Variants in PXYLP1 observed in about 807,000 individuals in gnomAD.
PXYLP1 encodes acid phosphatase-like 2.
In PXYLP1, 17 loss-of-function variants were observed where a neutral mutation model predicts 37.9. The ratio of observed to expected loss-of-function variants is 0.45; its 90% CI spans 0.31 to 0.67. The LOEUF (loss-of-function observed/expected upper bound fraction) is 0.67. PXYLP1 is among the 30% of genes least tolerant of loss of function. PXYLP1 has a pLI of 0.07. For missense variants in PXYLP1, 511 were observed against 612.0 expected, an observed-to-expected ratio of 0.84 and a Z score of 1.74; for synonymous variants, 221 against 232.2, an observed-to-expected ratio of 0.95 and a Z score of 0.44.
At chr3:141,291,900 C>A (rs1159088505) in intron 5 of PXYLP1, among the ~76,000 whole-genome samples, 1 of 152,226 alleles carries the variant, frequency 6.6e-6, no homozygotes, top group Non-Finnish European at 1.5e-5. Context: ...GAGGGAAAAA[C>A]CTCTCCTTAG....
At chr3:141,260,012 G>T (rs1941351961) in intron 1 of PXYLP1, 111 bp from the exon 2 acceptor site, 2 of 716,626 alleles carry the variant, frequency 2.8e-6, no homozygotes, top group African/African-American at 3.6e-5. Context: ...TTCCCTGCCG[G>T]GGGACTGGGC....
At chr3:141,250,380 T>C (rs1941114273) in intron 1 of PXYLP1, among the ~76,000 whole-genome samples, 1 of 152,260 alleles carries the variant, frequency 6.6e-6, no homozygotes. Flanking sequence ...TCTCCAGTTG[T>C]GAGTTGTCAC....
chr3:141,291,140 T>C lies in PXYLP1; in HGVS notation c.506-1128T>C, dbSNP rs143702413. ...TCCCAGGGGAACATATTTCCCTCTG[T>C]CTCACAATTTTCAGCTGAAGTTGTC... On this transcript the variant is annotated intron_variant, in intron 5 of 5. Coordinates refer to ENST00000286353, the MANE Select transcript of PXYLP1 (RefSeq NM_001037172.3). Among the ~76,000 whole-genome samples the C allele has an allele frequency of 2.2e-3, 329 of 152,246 alleles. 1 individual carries two copies. Among genetic ancestry groups the C allele is most frequent in the African/African-American group, 7.5e-3 (312 of 41,542 alleles).
At chr3:141,290,463 T>TCC (rs1942176819) in intron 5 of PXYLP1, among the ~76,000 whole-genome samples, 1 of 152,128 alleles carries the variant, frequency 6.6e-6, no homozygotes, top group African/African-American at 2.4e-5. Context: ...GTTGTCATGG[T>TCC]CCAGCAGCAT....
intron 2 of PXYLP1, among the ~76,000 whole-genome samples, chr3:141,264,906 C>T (rs992674855): frequency 1.3e-5 from 2 of 152,164 alleles, no homozygotes; most frequent in Non-Finnish European, 2.9e-5. Context: ...GTAATCACTA[C>T]GTATGTGTTT....
At chr3:141,256,666 A>T (rs1262055205) in intron 1 of PXYLP1, among the ~76,000 whole-genome samples, 1 of 152,268 alleles carries the variant, frequency 6.6e-6, no homozygotes, top group African/African-American at 2.4e-5. Context: ...CCAAGACTAA[A>T]GTATGATCAT....
chr3:141,255,796 G>C (rs1424241708), intron 1 of PXYLP1, among the ~76,000 whole-genome samples: 1 of 152,224 alleles, frequency 6.6e-6, no homozygotes, highest in African/African-American at 2.4e-5. Context: ...ATGGAAAGGG[G>C]GAAAGGGAGC....
At chr3:141,276,848 GA>G (rs1941807584) in intron 2 of PXYLP1, among the ~76,000 whole-genome samples, 1 of 152,146 alleles carries the variant, frequency 6.6e-6, no homozygotes. Context: ...CCAGTTTGAT[GA>G]GGAAAAATTA....
intron 4 of PXYLP1, among the ~76,000 whole-genome samples, chr3:141,282,096 C>T (rs1941968455): frequency 6.6e-6 from 1 of 152,068 alleles, no homozygotes; most frequent in Admixed American, 6.5e-5. Context: ...AATCAGAATC[C>T]ACATCCTTAA....
intron 1 of PXYLP1, among the ~76,000 whole-genome samples, chr3:141,240,208 A>G (rs1940761482): frequency 6.6e-6 from 1 of 152,244 alleles, no homozygotes; most frequent in Non-Finnish European, 1.5e-5. Context: ...TTTCATGGCC[A>G]GAACTGTATC....
At chr3:141,244,504 T>A (rs1202038053) in intron 1 of PXYLP1, among the ~76,000 whole-genome samples, 1 of 151,532 alleles carries the variant, frequency 6.6e-6, no homozygotes, top group Non-Finnish European at 1.5e-5. Flanking sequence ...TAGACCTTTT[T>A]CGGTAAATTT....
Position 141,292,911 on chromosome 3 carries a change from A to G in PXYLP1, c.1149A>G (p.Ser383=), listed in dbSNP as rs750419352. 14 of 1,614,028 alleles carry G rather than the reference A, an allele frequency of 8.7e-6. No homozygotes were observed. In the South Asian group the frequency reaches 1.5e-4, roughly 18 times the overall value. Residue 383 remains serine, a synonymous_variant, in exon 6 of 6, where the codon TCA becomes TCG. Transcript: ENST00000286353. This position sits in a 1 kb window ranked among gnomAD's most constrained non-coding sequence, Gnocchi z 4.3. Reference sequence around the variant, plus strand: ...ACTCTGCTCATGATGTCACTCTGTCACCAGTTCTCAGTGCCTTGGGCCTTT... The same window carrying G: ...ACTCTGCTCATGATGTCACTCTGTCGCCAGTTCTCAGTGCCTTGGGCCTTT... The part of the protein sequence containing the change: ...ALYSAHDVTL[S]PVLSALGLSE...
intron 2 of PXYLP1, among the ~76,000 whole-genome samples, chr3:141,275,603 T>C (rs1263169124): frequency 6.6e-6 from 1 of 152,242 alleles, no homozygotes; most frequent in African/African-American, 2.4e-5. Flanking sequence ...CGTGCTCTTG[T>C]GCTAATCCCC....
intron 1 of PXYLP1, among the ~76,000 whole-genome samples, chr3:141,253,010 G>A (rs1435379321): frequency 6.6e-6 from 1 of 152,124 alleles, no homozygotes; most frequent in African/African-American, 2.4e-5. Context: ...GGAGGAGATA[G>A]GACCCTGGCC....
intron 4 of PXYLP1, 38 bp from the exon 5 acceptor site, chr3:141,287,276 A>T (rs1457297493): frequency 6.2e-7 from 1 of 1,601,708 alleles, no homozygotes; most frequent in African/African-American, 1.3e-5. Flanking sequence ...ATTCTTGTGG[A>T]GCACTCTGAC....
intron 1 of PXYLP1, among the ~76,000 whole-genome samples, chr3:141,259,391 AT>A (rs35796707): frequency 3.7e-4 from 55 of 147,268 alleles, no homozygotes; most frequent in East Asian, 9.8e-4. Context: ...GTAGTCATTC[AT>A]TTTTTTTTTT....
intron 1 of PXYLP1, among the ~76,000 whole-genome samples, chr3:141,248,550 T>C (rs1452117796): frequency 6.8e-6 from 1 of 147,844 alleles, no homozygotes; most frequent in East Asian, 2.0e-4. Flanking sequence ...CACACGTATA[T>C]ATACACACGT....
chr3:141,254,109 C>T (rs1474127169), intron 1 of PXYLP1, among the ~76,000 whole-genome samples: 1 of 152,010 alleles, frequency 6.6e-6, no homozygotes, highest in African/African-American at 2.4e-5. Context: ...GATGTGGTTT[C>T]GCTGTGTTGG....
At chr3:141,282,900 C>T (rs1402474796) in intron 4 of PXYLP1, among the ~76,000 whole-genome samples, 2 of 152,120 alleles carry the variant, frequency 1.3e-5, no homozygotes, top group East Asian at 3.9e-4. Flanking sequence ...GAAGTTAGTA[C>T]AGGCATTGGT....
Sources: allele counts gnomAD v4.1 joint callset (sites outside exome capture counted in the v4.1 genomes callset), GRCh38; gene constraint gnomAD v4.1.1; non-coding constraint Gnocchi (gnomAD v3.1); transcripts MANE v1.5; gene names NCBI Gene and HGNC (gene_info 2026-07-23, HGNC 2026-07-21).